FRK: variants seen among roughly 807,000 people sequenced by gnomAD.
The protein encoded by FRK is fyn related Src family tyrosine kinase.
In FRK, 51 loss-of-function variants were observed where a neutral mutation model predicts 56.4. The ratio of observed to expected loss-of-function variants is 0.90; its 90% confidence interval spans 0.72 to 1.14. FRK has a LOEUF of 1.14. FRK is among the 50% of genes most tolerant of loss of function. FRK has a pLI of 0.00. For synonymous variants in FRK, 245 were observed against 217.9 expected, an observed-to-expected ratio of 1.12 and a Z score of -1.10; for missense variants, 570 against 601.4, an observed-to-expected ratio of 0.95 and a Z score of 0.55.
intron 1 of FRK, chr6:116,039,131 A>G (rs1776612962): frequency 1.1e-6 from 1 of 891,444 alleles, no homozygotes; most frequent in Non-Finnish European, 1.9e-6. Context: ...AATCGCTTGC[A>G]CTGGGGAGAA....
At chr6:115,949,022 AG>A (rs1772588925) in intron 5 of FRK, among the ~76,000 whole-genome samples, 1 of 152,178 alleles carries the variant, frequency 6.6e-6, no homozygotes, top group African/African-American at 2.4e-5. Flanking sequence ...TTGTATTCCT[AG>A]GTATTTTATT....
chr6:115,962,155 CA>C (rs1773396643), intron 4 of FRK, among the ~76,000 whole-genome samples: 1 of 138,670 alleles, frequency 7.2e-6, no homozygotes, highest in Non-Finnish European at 1.6e-5. Context: ...AAACCCATCT[CA>C]CGTGCAGAGA....
the FRK span, among the ~76,000 whole-genome samples, chr6:116,073,032 AAAGAG>A: frequency 6.6e-6 from 1 of 152,282 alleles, no homozygotes; most frequent in African/African-American, 2.4e-5. Context: ...TAAAATATTG[AAAGAG>A]AAGACTGGCA....
chr6:116,025,197 C>T (rs933546958), intron 1 of FRK, among the ~76,000 whole-genome samples: 15 of 152,272 alleles, frequency 9.9e-5, no homozygotes, highest in African/African-American at 3.6e-4. Flanking sequence ...CATAGACTGC[C>T]ATTGCTTCTT....
intron 1 of FRK, among the ~76,000 whole-genome samples, chr6:116,036,598 A>G (rs1292962686): frequency 6.6e-6 from 1 of 152,136 alleles, no homozygotes; most frequent in Non-Finnish European, 1.5e-5. Flanking sequence ...CCTTTATATC[A>G]TCCCAAAACT....
intron 1 of FRK, among the ~76,000 whole-genome samples, chr6:116,013,113 T>G (rs1775531952): frequency 6.6e-6 from 1 of 152,120 alleles, no homozygotes; most frequent in South Asian, 2.1e-4. Context: ...AAATGAGAAA[T>G]TTTGAAGGAA....
chr6:115,985,411 C>T (rs1055266256), intron 2 of FRK, among the ~76,000 whole-genome samples: 3 of 152,078 alleles, frequency 2.0e-5, no homozygotes, highest in African/African-American at 7.2e-5. Flanking sequence ...TATTTAAATG[C>T]TACAATGTTT....
At chr6:116,096,237 TA>T in the FRK span, among the ~76,000 whole-genome samples, 1 of 152,174 alleles carries the variant, frequency 6.6e-6, no homozygotes, top group African/African-American at 2.4e-5. Context: ...TCTTTGCCCC[TA>T]TCCCACAGGA....
intron 1 of FRK, among the ~76,000 whole-genome samples, chr6:116,048,881 T>A (rs1368430680): frequency 1.3e-5 from 2 of 152,234 alleles, no homozygotes; most frequent in African/African-American, 2.4e-5. Flanking sequence ...TAGTTTTGTA[T>A]GCTTAGCGCA....
At chr6:115,999,484 C>A (rs1035645462) in intron 2 of FRK, among the ~76,000 whole-genome samples, 19 of 152,208 alleles carry the variant, frequency 1.2e-4, no homozygotes, top group African/African-American at 4.1e-4. Flanking sequence ...TGGGCTGCTA[C>A]TTCTCAGCCC....
intron 4 of FRK, among the ~76,000 whole-genome samples, chr6:115,960,187 C>T (rs1379322788): frequency 2.0e-5 from 3 of 150,884 alleles, no homozygotes; most frequent in South Asian, 2.1e-4. Flanking sequence ...AGTGTGTGCG[C>T]GCACCGTGCG....
At chr6:116,030,548 C>T (rs1160407098) in intron 1 of FRK, among the ~76,000 whole-genome samples, 1 of 151,974 alleles carries the variant, frequency 6.6e-6, no homozygotes, top group Admixed American at 6.6e-5. Flanking sequence ...AAGAACAAGC[C>T]ATGAGGAGGG....
At chr6:115,981,669 G>A (rs1007980723) in intron 2 of FRK, among the ~76,000 whole-genome samples, 1 of 152,060 alleles carries the variant, frequency 6.6e-6, no homozygotes, top group East Asian at 1.9e-4. Context: ...ATGTTGAACA[G>A]GGTAAACATG....
At chr6:115,992,839 G>A (rs1044587335) in intron 2 of FRK, among the ~76,000 whole-genome samples, 1 of 151,794 alleles carries the variant, frequency 6.6e-6, no homozygotes, top group Non-Finnish European at 1.5e-5. Context: ...AATGTATGAG[G>A]TTTGTAAAGG....
chr6:116,087,931 A>C, the FRK span, among the ~76,000 whole-genome samples: 1 of 152,210 alleles, frequency 6.6e-6, no homozygotes, highest in Non-Finnish European at 1.5e-5. Flanking sequence ...TTTGTGCCCA[A>C]GGGCCTTCTC....
At chr6:116,064,097 C>G (rs1777710651), upstream of FRK, among the ~76,000 whole-genome samples, 2 of 152,242 alleles carry the variant, frequency 1.3e-5, no homozygotes, top group Admixed American at 1.3e-4. Flanking sequence ...CTGCTAACTT[C>G]TCCAATCATG....
At position 115,943,150 on chromosome 6, in the gene FRK, T is replaced by G. The variant is rs1772267361; in HGVS notation, c.1176A>C (p.Glu392Asp). The G allele has an allele frequency of 6.2e-7, 1 of 1,612,846 alleles. No homozygotes were observed. ...DNEDIYESRH[E>D]IKLPVKWTAP... ...CAGTCCACTTCACCGGCAGCTTTAT[T>G]TCGTGTCTAGATTCATAGATGTCTT... The change falls in exon 7 of 8, where the codon GAA becomes GAC. Residue 392 changes from glutamate to aspartate, a missense_variant. Glu to Asp is a conservative substitution (Grantham distance 45). Transcript: ENST00000606080.
At chr6:115,980,054 G>C (rs751778030) in intron 2 of FRK, among the ~76,000 whole-genome samples, 54 of 152,142 alleles carry the variant, frequency 3.5e-4, no homozygotes, top group Non-Finnish European at 6.6e-4. Flanking sequence ...AATACAATGA[G>C]CAATATCATC....
chr6:116,098,215 G>A, the FRK span, among the ~76,000 whole-genome samples: 2 of 147,250 alleles, frequency 1.4e-5, no homozygotes, highest in Admixed American at 6.9e-5. Context: ...AGGTTCAAGC[G>A]ATCCTCCCAC....
Sources: gnomAD v4.1 joint callset for allele counts (sites outside exome capture counted in the v4.1 genomes callset) on GRCh38, gnomAD v4.1.1 for gene constraint, MANE v1.5 for transcripts, NCBI Gene and HGNC (gene_info 2026-07-23, HGNC 2026-07-21) for gene names.